Variants in NCS1 observed in about 807,000 individuals in gnomAD.
The protein encoded by NCS1 is frequenin homolog.
In NCS1, 6 loss-of-function variants were observed where a neutral mutation model predicts 28.4. That is an observed-to-expected ratio of 0.21 (90% CI 0.12 to 0.42). The LOEUF (loss-of-function observed/expected upper bound fraction) is 0.42. NCS1 is among the 10% of genes least tolerant of loss of function. NCS1 has a pLI of 1.00. For missense variants in NCS1, 131 were observed against 241.4 expected (o/e 0.54, Z 3.03); for synonymous variants, 86 against 99.3 (o/e 0.87, Z 0.79).
At position 130,215,583 on chromosome 9, in the gene NCS1, C is replaced by T. The variant is rs1554909234; in HGVS notation, c.90-2249C>T. ...GAGGCAGGGCGGGCTCCGAGTCTCA[C>T]GCATTGCTGTGGATGAATCTCCTGA... On this transcript the variant is annotated intron_variant, in intron 2 of 7. Coordinates refer to ENST00000372398, the MANE Select transcript of NCS1 (RefSeq NM_014286.4). This position sits in a 1 kb window ranked among gnomAD's most constrained non-coding sequence, Gnocchi z 4.2. Among the ~76,000 whole-genome samples the T allele has an allele frequency of 6.6e-6, 1 of 152,114 alleles. No homozygotes were observed. Among genetic ancestry groups the T allele is most frequent in the African/African-American group, 2.4e-5 (1 of 41,408 alleles).
intron 7 of NCS1, among the ~76,000 whole-genome samples, chr9:130,231,277 G>A (rs28887890): frequency 6.6e-6 from 1 of 151,994 alleles, no homozygotes; most frequent in African/African-American, 2.4e-5. Context: ...GCTTGAACCA[G>A]GGAGGGTGAG....
At chr9:130,223,051 G>C (rs782716900) in intron 5 of NCS1, 31 bp from the exon 6 acceptor site, 28 of 1,598,970 alleles carry the variant, frequency 1.8e-5, no homozygotes, top group Non-Finnish European at 2.6e-6. Flanking sequence ...CAGAGTGCCA[G>C]GGCCCACCCC....
At chr9:130,217,746 C>A in intron 2 of NCS1, 86 bp from the exon 3 acceptor site, 1 of 1,596,442 alleles carries the variant, frequency 6.3e-7, no homozygotes, top group Non-Finnish European at 8.6e-7. Flanking sequence ...CCACAGCTTT[C>A]CTGGGCCCCG....
intron 2 of NCS1, among the ~76,000 whole-genome samples, chr9:130,202,705 G>T (rs1428808877): frequency 7.3e-5 from 11 of 151,434 alleles, no homozygotes; most frequent in African/African-American, 2.7e-4. Flanking sequence ...TCTGCCTCCC[G>T]AGTAGCTGGG....
intron 1 of NCS1, among the ~76,000 whole-genome samples, chr9:130,174,964 G>T (rs1333869549): frequency 6.6e-6 from 1 of 152,138 alleles, no homozygotes; most frequent in Non-Finnish European, 1.5e-5. Context: ...GTTAGGAACT[G>T]GCCCTTGTGG....
At chr9:130,208,788 G>A (rs1403416923) in intron 2 of NCS1, among the ~76,000 whole-genome samples, 1 of 152,144 alleles carries the variant, frequency 6.6e-6, no homozygotes, top group African/African-American at 2.4e-5. Flanking sequence ...AAACGGTGCC[G>A]TGCGGAGAAT....
intron 1 of NCS1, among the ~76,000 whole-genome samples, chr9:130,195,721 G>A (rs1255733029): frequency 1.3e-5 from 2 of 152,252 alleles, no homozygotes; most frequent in African/African-American, 4.8e-5. Context: ...ACCGCGCTCG[G>A]GCGCAGCTAG....
rs570980516 is a variant in NCS1, at chr9:130,217,220, G to C, written c.90-612G>C. 4.6e-5 allele frequency among the ~76,000 whole-genome samples: 7 copies of C among 152,366 alleles called. No homozygotes were observed. The South Asian group carries it at 1.4e-3, about 32-fold the overall frequency. On this transcript the variant is annotated intron_variant, in intron 2 of 7. Coordinates refer to ENST00000372398, the MANE Select transcript of NCS1 (RefSeq NM_014286.4). Reference sequence around the variant, plus strand: ...AGCCATTCCGGCGTCAGCCACGTAGGGATCTGGAGGGTTTTGTGCTGGGCA... The same window carrying C: ...AGCCATTCCGGCGTCAGCCACGTAGCGATCTGGAGGGTTTTGTGCTGGGCA...
rs1180980296 is a variant in NCS1 at position 130,181,640 on chromosome 9, AGCCCTGGGCCGCGGT to A, written c.64+8915_64+8929del. 6.6e-6 allele frequency among the ~76,000 whole-genome samples: 1 copy of A among 152,220 alleles called. No individual in the cohort carries two copies. The highest frequency in any genetic ancestry group is 1.9e-4 in the East Asian group (1 of 5,166). Reference sequence around the variant, plus strand: ...TCTCAGCCTGGAGTCTGCACACTGAAGCCCTGGGCCGCGGTGAGGGGCCCCTGCTTGGTGGAGGTG... The same window carrying A: ...TCTCAGCCTGGAGTCTGCACACTGAAGAGGGGCCCCTGCTTGGTGGAGGTG... On this transcript the variant is annotated intron_variant, in intron 1 of 7. Coordinates refer to ENST00000372398, the MANE Select transcript of NCS1 (RefSeq NM_014286.4). The surrounding 1 kb of genome is among the most constrained non-coding windows in gnomAD (Gnocchi z 5.0).
chr9:130,187,170 G>A (rs1832748156), intron 1 of NCS1, among the ~76,000 whole-genome samples: 1 of 152,160 alleles, frequency 6.6e-6, no homozygotes, highest in Admixed American at 6.5e-5. Flanking sequence ...GGCACACCTG[G>A]GAGACGGGGG....
intron 1 of NCS1, among the ~76,000 whole-genome samples, chr9:130,182,880 G>A (rs1179064248): frequency 1.3e-5 from 2 of 152,226 alleles, no homozygotes; most frequent in Non-Finnish European, 1.5e-5. Flanking sequence ...GTATCTGTCC[G>A]ACAGAGAAAG....
At chr9:130,185,451 C>T (rs1260811901) in intron 1 of NCS1, among the ~76,000 whole-genome samples, 4 of 152,206 alleles carry the variant, frequency 2.6e-5, no homozygotes, top group African/African-American at 7.2e-5. Flanking sequence ...GGGTTTTCCT[C>T]CGTGGCTGGG....
chr9:130,172,556 C>A lies in NCS1; in HGVS notation c.-108C>A. On this transcript the variant is annotated 5_prime_UTR_variant, in exon 1 of 8. Transcript: ENST00000372398. Reference sequence around the variant, plus strand: ...CGACAGCCGCGCAGCGCAGCGCGGGCGCCGCAGACAAAGGCGCGGCCCCGG... The same window carrying A: ...CGACAGCCGCGCAGCGCAGCGCGGGAGCCGCAGACAAAGGCGCGGCCCCGG... 1 of 404,414 alleles carries A rather than the reference C, an allele frequency of 2.5e-6. No homozygotes were observed. The highest frequency in any genetic ancestry group is 3.4e-6 in the Non-Finnish European group (1 of 293,508). 25.1% of individuals were successfully genotyped at this position (404,414 alleles called of 1,614,324 possible). A position where few individuals can be genotyped will look rare whatever the true frequency, so the allele number is the denominator to read the frequency against.
chr9:130,202,023 G>A (rs993248540), intron 2 of NCS1, among the ~76,000 whole-genome samples: 4 of 152,128 alleles, frequency 2.6e-5, no homozygotes, highest in African/African-American at 4.8e-5. Context: ...TTCCCCATCC[G>A]TACATGTTCT....
At chr9:130,193,210 G>GTACT (rs1456251432) in intron 1 of NCS1, among the ~76,000 whole-genome samples, 6 of 152,178 alleles carry the variant, frequency 3.9e-5, no homozygotes, top group African/African-American at 1.4e-4. Context: ...GGGCTCTGAG[G>GTACT]TACTGCAGGG....
Position 130,183,682 on chromosome 9 carries a change from CCTTCCTTTCTTT to C in NCS1, c.64+10959_64+10970del, listed in dbSNP as rs1175002541. 7.3e-5 allele frequency among the ~76,000 whole-genome samples: 11 copies of C among 151,416 alleles called. No homozygotes were observed. In the East Asian group the frequency reaches 1.9e-3, roughly 27 times the overall value. On this transcript the variant is annotated intron_variant, in intron 1 of 7. Coordinates refer to ENST00000372398, the MANE Select transcript of NCS1 (RefSeq NM_014286.4). ...TTTTCTTTCCTTCTCTCTCTTTCTT[CCTTCCTTTCTTT>C]CTTTTTTTCTCTCTCTCCCTTCCTT...
At chr9:130,173,168 G>A (rs1234646813) in intron 1 of NCS1, among the ~76,000 whole-genome samples, 2 of 151,000 alleles carry the variant, frequency 1.3e-5, no homozygotes, top group African/African-American at 4.9e-5. Flanking sequence ...TGCGAGATTG[G>A]CCTGTCGCCC....
chr9:130,190,031 CAAGAGA>C (rs1392901559), intron 1 of NCS1, among the ~76,000 whole-genome samples: 4 of 37,436 alleles, frequency 1.1e-4, no homozygotes, highest in Non-Finnish European at 1.6e-4. Flanking sequence ...TATGTTTATG[CAAGAGA>C]GAGAGAGAGA....
chr9:130,213,571 G>A (rs1053343670), intron 2 of NCS1, among the ~76,000 whole-genome samples: 1 of 150,316 alleles, frequency 6.7e-6, no homozygotes, highest in African/African-American at 2.5e-5. Context: ...GAGTCACCAC[G>A]CCTGGCCCAC....
Sources: gnomAD v4.1 joint callset for allele counts (sites outside exome capture counted in the v4.1 genomes callset) on GRCh38, gnomAD v4.1.1 for gene constraint, Gnocchi (gnomAD v3.1) non-coding constraint, MANE v1.5 for transcripts, NCBI Gene and HGNC (gene_info 2026-07-23, HGNC 2026-07-21) for gene names.